Variants in PNPLA6 observed in about 807,000 individuals in gnomAD.
The protein encoded by PNPLA6 is patatin-like phospholipase domain-containing protein 6.
In PNPLA6, 105 loss-of-function variants were observed where a neutral mutation model predicts 153.7. That is an observed-to-expected ratio of 0.68 (90% confidence interval 0.58 to 0.80). PNPLA6 has a LOEUF of 0.80. Among genes scored for constraint, PNPLA6 ranks in the 30% least tolerant of loss-of-function variants. PNPLA6 has a pLI of 0.00. For missense variants in PNPLA6, 1,423 were observed against 1,919.3 expected (o/e 0.74, Z 4.83); for synonymous variants, 825 against 822.2 (o/e 1.00, Z -0.06).
At chr19:7,536,428 T>C (rs565616120) in intron 2 of PNPLA6, 21 bp from the exon 3 acceptor site, 1 of 1,571,020 alleles carries the variant, frequency 6.4e-7, no homozygotes, top group African/African-American at 1.3e-5. Flanking sequence ...AATTCACCCA[T>C]CTCCGCCTTC....
rs1341129844 is a variant in PNPLA6, at chr19:7,540,218, C to T, written c.624C>T (p.Gly208=). 1 of 1,610,160 alleles carries T rather than the reference C, an allele frequency of 6.2e-7. No homozygotes were observed. Among genetic ancestry groups the T allele is most frequent in the South Asian group, 1.1e-5 (1 of 91,088 alleles). The change falls in exon 5 of 32, where the codon GGC becomes GGT. Residue 208 remains glycine (G), a synonymous_variant. Transcript: ENST00000600737. This position sits in a 1 kb window ranked among gnomAD's most constrained non-coding sequence, Gnocchi z 6.8. ...GCCACATGGTCTTCCAGCGGCTGGGCCAGGGTGACTACGTCTTCCGGCCGG... is the reference window on the plus strand; with the variant it reads ...GCCACATGGTCTTCCAGCGGCTGGGTCAGGGTGACTACGTCTTCCGGCCGG... ...LCRHMVFQRL[G]QGDYVFRPGQ...
intron 13 of PNPLA6, among the ~76,000 whole-genome samples, chr19:7,544,676 G>A (rs1302141753): frequency 2.0e-5 from 3 of 152,072 alleles, no homozygotes; most frequent in Non-Finnish European, 4.4e-5. Context: ...AGAAGCCTGG[G>A]GCAGGGTTGG....
At chr19:7,560,378 A>T (rs1003254031) in intron 28 of PNPLA6, among the ~76,000 whole-genome samples, 1 of 152,138 alleles carries the variant, frequency 6.6e-6, no homozygotes, top group African/African-American at 2.4e-5. Context: ...ATAAGCTCAC[A>T]CATCACCACC....
At chr19:7,551,156 G>A in intron 17 of PNPLA6, 49 bp downstream of exon 17, 2 of 1,233,774 alleles carry the variant, frequency 1.6e-6, no homozygotes. Context: ...GGACTCCGGG[G>A]GGGTGGGGGC....
In PNPLA6 at chr19:7,554,742, C is replaced by G; in HGVS notation, c.2634+19C>G. The stretch of plus-strand genomic sequence containing the variant: ...CGGCCAGGTCGGAAGCCCGTGCCCC[C>G]TGATCTCACCCACCTCGGGTCCCGT... On this transcript the variant is annotated intron_variant, in intron 21 of 31. Coordinates refer to ENST00000600737, the MANE Select transcript of PNPLA6 (RefSeq NM_001166114.2). 1 of 1,610,340 alleles carries G rather than the reference C, an allele frequency of 6.2e-7. No individual in the cohort carries two copies.
At chr19:7,545,203 T>C (rs527919311) in intron 13 of PNPLA6, among the ~76,000 whole-genome samples, 2 of 152,164 alleles carry the variant, frequency 1.3e-5, no homozygotes, top group Admixed American at 6.5e-5. Context: ...ATTTTTGTAG[T>C]TGCACTAGAG....
At position 7,551,438 on chromosome 19, in the gene PNPLA6, GT is replaced by G; in HGVS notation, c.2260+2del. On this transcript the variant is annotated splice_donor_variant, in intron 18 of 31. Coordinates refer to ENST00000600737, the MANE Select transcript of PNPLA6 (RefSeq NM_001166114.2). LOFTEE classifies it high-confidence loss of function. ...CAGCAGCTGCAAGGACCCTTCCCAG[GT>G]GAGAGCCGGCCGGCCCAGAGCGTGC... 6.2e-7 allele frequency: 1 copy of G among 1,613,490 alleles called. No homozygotes were observed. Among genetic ancestry groups the G allele is most frequent in the Non-Finnish European group, 8.5e-7 (1 of 1,179,554 alleles).
chr19:7,540,961 G>A lies in PNPLA6; in HGVS notation c.834G>A (p.Ala278=), dbSNP rs1262510936. 5.6e-6 allele frequency: 9 copies of A among 1,611,896 alleles called. No homozygotes were observed. Among genetic ancestry groups the A allele is most frequent in the Non-Finnish European group, 7.6e-6 (9 of 1,179,634 alleles). ...QHPQRTVSAR[A]ARDSTVLRLP... ...CCCAGCGGACCGTGTCTGCCCGGGC[G>A]GCCCGGGACTCCACGGTGCTGCGCC... is the stretch of plus-strand genomic sequence containing the variant. The change falls in exon 7 of 32, where the codon GCG becomes GCA. Residue 278 remains alanine (A), a synonymous_variant. Transcript: ENST00000600737. The surrounding 1 kb of genome is among the most constrained non-coding windows in gnomAD (Gnocchi z 6.8).
chr19:7,543,234 C>G, intron 13 of PNPLA6, 150 bp downstream of exon 13: 3 of 784,554 alleles, frequency 3.8e-6, no homozygotes, highest in Non-Finnish European at 6.7e-6. Flanking sequence ...ACCTCTAACC[C>G]TTGGGTCCTG....
intron 29 of PNPLA6, 25 bp downstream of exon 29, chr19:7,560,789 C>T (rs1383987491): frequency 7.2e-7 from 1 of 1,388,280 alleles, no homozygotes; most frequent in African/African-American, 1.4e-5. Flanking sequence ...CCCCCAGGGC[C>T]ACTCTGACTC....
chr19:7,555,371 A>T lies in PNPLA6; in HGVS notation c.2936+4A>T, dbSNP rs1163436776. ...TGCTAGGCGGGGGCGGGGCCAGGTG[A>T]GGGCGGGGCTTGCTCTCTGGGGGCG... On this transcript the variant is annotated splice_donor_region_variant and intron_variant, in intron 23 of 31. Transcript: ENST00000600737. This position sits in a 1 kb window ranked among gnomAD's most constrained non-coding sequence, Gnocchi z 6.3. The T allele has an allele frequency of 6.8e-6, 7 of 1,025,148 alleles. No homozygotes were observed. Among genetic ancestry groups the T allele is most frequent in the Non-Finnish European group, 8.2e-6 (6 of 729,496 alleles). The allele number at this position is 1,025,148 out of a possible 1,614,324, so 63.5% of individuals were successfully genotyped here.
In PNPLA6 at chr19:7,555,926, C is replaced by T. The variant is rs1216290027; in HGVS notation, c.3093+163C>T. ...GACTTTTATAGATAAGCTTCTAGGA[C>T]TCTGGGTAACCACTTTGGGACCTCC... On this transcript the variant is annotated intron_variant, in intron 24 of 31. Transcript: ENST00000600737. The surrounding 1 kb of genome is among the most constrained non-coding windows in gnomAD (Gnocchi z 6.3). Among the ~76,000 whole-genome samples, 1 of 152,046 alleles carries T rather than the reference C, an allele frequency of 6.6e-6. No homozygotes were observed. Among genetic ancestry groups the T allele is most frequent in the Non-Finnish European group, 1.5e-5 (1 of 68,010 alleles).
At chr19:7,561,422 T>G in intron 31 of PNPLA6, 66 bp from the exon 32 acceptor site, 1 of 1,451,062 alleles carries the variant, frequency 6.9e-7, no homozygotes, top group Non-Finnish European at 9.5e-7. Flanking sequence ...GTGTGCTGGG[T>G]GCTGGCTGAC....
At position 7,554,631 on chromosome 19, in the gene PNPLA6, G is replaced by T. The variant is rs150911550; in HGVS notation, c.2542G>T (p.Ala848Ser). The T allele has an allele frequency of 1.9e-6, 3 of 1,613,940 alleles. No individual in the cohort carries two copies. The highest frequency in any genetic ancestry group is 2.5e-6 in the Non-Finnish European group (3 of 1,180,018). Reference protein sequence around the residue: ...AHRIVLYQTDASLTPWTVRCL... With the variant: ...AHRIVLYQTDSSLTPWTVRCL... ...CCGTATCGTACTCTACCAGACGGAC[G>T]CCTCGCTGACGCCCTGGACCGTGCG... The change falls in exon 21 of 32, where the codon GCC becomes TCC. Residue 848 changes from alanine to serine, a missense_variant. This residue lies in a region of PNPLA6 where 643 missense variants were observed against 835.2 expected (regional missense o/e 0.77). Transcript: ENST00000600737.
At chr19:7,535,606 T>TGCCGGCTAGG, upstream of PNPLA6, 1 of 1,596,528 alleles carries the variant, frequency 6.3e-7, no homozygotes. This position sits in a 1 kb window ranked among gnomAD's most constrained non-coding sequence, Gnocchi z 5.0. Context: ...ACCGGGTAGG[T>TGCCGGCTAGG]GCCGGCGTGG....
chr19:7,539,757 CAAAAAA>C (rs762061101), intron 3 of PNPLA6, among the ~76,000 whole-genome samples, 155 bp from the exon 4 acceptor site: 826 of 50,882 alleles, frequency 0.016, 10 homozygotes, highest in African/African-American at 0.055. Context: ...AACTTCGTCT[CAAAAAA>C]AAAAAAAAAA....
intron 20 of PNPLA6, 89 bp downstream of exon 20, chr19:7,554,361 A>C: frequency 7.4e-7 from 1 of 1,345,554 alleles, no homozygotes; most frequent in Non-Finnish European, 1.1e-6. Context: ...CTTGGCTTCC[A>C]ACCACGGAGC....
At chr19:7,556,823 C>T (rs966731241) in intron 26 of PNPLA6, 99 bp downstream of exon 26, 8 of 898,814 alleles carry the variant, frequency 8.9e-6, no homozygotes, top group East Asian at 4.9e-5. Flanking sequence ...GTTGTTAACA[C>T]GAGTGACCGT....
At chr19:7,550,862 C>T in intron 16 of PNPLA6, 132 bp from the exon 17 acceptor site, 3 of 887,866 alleles carry the variant, frequency 3.4e-6, no homozygotes, top group East Asian at 5.3e-5. Flanking sequence ...TAATGGGTAG[C>T]GAGCGAGGCT....
Sources: gnomAD v4.1 joint callset for allele counts (sites outside exome capture counted in the v4.1 genomes callset) on GRCh38, gnomAD v4.1.1 for gene constraint, gnomAD v4.1.1 regional missense constraint, Gnocchi (gnomAD v3.1) non-coding constraint, MANE v1.5 for transcripts, NCBI Gene and HGNC (gene_info 2026-07-23, HGNC 2026-07-21) for gene names.